The following CDC42BPB variants were observed in gnomAD, a reference collection of about 807,000 sequenced individuals.
CDC42BPB encodes the protein serine/threonine-protein kinase MRCK beta.
In CDC42BPB, 37 loss-of-function variants were observed where a neutral mutation model predicts 214.9. The observed-to-expected ratio is 0.17, with a 90% CI of 0.13 to 0.23. The LOEUF is 0.23. Among genes scored for constraint, CDC42BPB ranks in the 10% least tolerant of loss-of-function variants. CDC42BPB has a pLI of 1.00. For missense variants in CDC42BPB, 1,694 were observed against 2,227.0 expected, an observed-to-expected ratio of 0.76 and a Z score of 4.82; for synonymous variants, 931 against 884.0, an observed-to-expected ratio of 1.05 and a Z score of -0.94.
chr14:103,049,168 T>C (rs1016275165), intron 1 of CDC42BPB, among the ~76,000 whole-genome samples: 4 of 152,208 alleles, frequency 2.6e-5, no homozygotes, highest in Non-Finnish European at 4.4e-5. Context: ...ATGTCTAAAA[T>C]GGTAAAATCA....
Position 102,944,897 on chromosome 14 carries a change from AAG to A in CDC42BPB, c.3812-412_3812-411del, listed in dbSNP as rs1422434750. Reference sequence around the variant, plus strand: ...GCCCTCACGCTGCACATGAGGGACAAAGAGCTGTCCCCAACCCACTGGGACCC... The same window carrying A: ...GCCCTCACGCTGCACATGAGGGACAAAGCTGTCCCCAACCCACTGGGACCC... On this transcript the variant is annotated intron_variant, in intron 29 of 36. Coordinates refer to ENST00000361246, the MANE Select transcript of CDC42BPB (RefSeq NM_006035.4). This position sits in a 1 kb window ranked among gnomAD's most constrained non-coding sequence, Gnocchi z 6.6. Among the ~76,000 whole-genome samples the A allele has an allele frequency of 6.6e-6, 1 of 152,158 alleles. No homozygotes were observed. Among genetic ancestry groups the A allele is most frequent in the East Asian group, 1.9e-4 (1 of 5,192 alleles).
At chr14:102,973,902 G>C in intron 12 of CDC42BPB, 114 bp downstream of exon 12, 1 of 1,315,626 alleles carries the variant, frequency 7.6e-7, no homozygotes, top group Middle Eastern at 1.9e-4. Context: ...GCATGCAGCA[G>C]GGACAGCCCA....
chr14:102,952,287 T>C (rs1279523905), intron 24 of CDC42BPB, among the ~76,000 whole-genome samples: 2 of 152,182 alleles, frequency 1.3e-5, no homozygotes, highest in African/African-American at 4.8e-5. Context: ...AGCTGAACTG[T>C]GATTGCACCA....
intron 5 of CDC42BPB, among the ~76,000 whole-genome samples, chr14:102,998,382 T>C (rs1290449745): frequency 6.6e-6 from 1 of 152,216 alleles, no homozygotes; most frequent in Non-Finnish European, 1.5e-5. Flanking sequence ...CCTGACCAAG[T>C]GTAATCAGCG....
intron 4 of CDC42BPB, among the ~76,000 whole-genome samples, chr14:103,002,834 A>C (rs1895050771): frequency 6.6e-6 from 1 of 152,200 alleles, no homozygotes; most frequent in Non-Finnish European, 1.5e-5. Flanking sequence ...CTAAGTGCTC[A>C]ACAAACACCA....
chr14:103,056,466 G>C (rs1321418517), intron 1 of CDC42BPB, among the ~76,000 whole-genome samples: 5 of 152,196 alleles, frequency 3.3e-5, no homozygotes, highest in South Asian at 2.1e-4. Flanking sequence ...GGGCGAGGCA[G>C]ATGCAGAAAG....
chr14:103,004,756 CT>C lies in CDC42BPB; in HGVS notation c.352-734del, dbSNP rs1555392843. Reference sequence around the variant, plus strand: ...TGGTGGCAGGTGCCTGTAATCCCAGCTACATGGGAGGCTGAGGGGGGAGAAC... The same window carrying C: ...TGGTGGCAGGTGCCTGTAATCCCAGCACATGGGAGGCTGAGGGGGGAGAAC... On this transcript the variant is annotated intron_variant, in intron 3 of 36. Transcript: ENST00000361246. This position sits in a 1 kb window ranked among gnomAD's most constrained non-coding sequence, Gnocchi z 5.3. Among the ~76,000 whole-genome samples the C allele has an allele frequency of 3.3e-5, 5 of 152,136 alleles. No homozygotes were observed. Among genetic ancestry groups the C allele is most frequent in the Non-Finnish European group, 2.9e-5 (2 of 67,978 alleles).
intron 1 of CDC42BPB, among the ~76,000 whole-genome samples, chr14:103,053,065 C>T (rs1014564840): frequency 2.6e-5 from 4 of 152,030 alleles, no homozygotes; most frequent in African/African-American, 9.7e-5. Context: ...AATATACATG[C>T]AAGGCCAGGC....
chr14:102,973,497 C>G (rs530945007), intron 12 of CDC42BPB, among the ~76,000 whole-genome samples: 48 of 152,334 alleles, frequency 3.2e-4, no homozygotes, highest in Non-Finnish European at 6.6e-4. Flanking sequence ...AACACAGGGT[C>G]TCTGCTGCAG....
At chr14:102,963,277 G>T in intron 19 of CDC42BPB, 122 bp from the exon 20 acceptor site, 1 of 1,407,852 alleles carries the variant, frequency 7.1e-7, no homozygotes, top group South Asian at 1.6e-5. Context: ...TCCAGAACAC[G>T]GTAGCTCATG....
chr14:102,949,989 C>A, intron 25 of CDC42BPB, 85 bp from the exon 26 acceptor site: 1 of 1,573,866 alleles, frequency 6.4e-7, no homozygotes, highest in Non-Finnish European at 8.6e-7. Context: ...AATCTCCTTC[C>A]AGCTGCCAGG....
intron 14 of CDC42BPB, among the ~76,000 whole-genome samples, chr14:102,969,852 G>T (rs8016029): frequency 6.6e-6 from 1 of 152,256 alleles, no homozygotes; most frequent in Non-Finnish European, 1.5e-5. Flanking sequence ...AGAAGGCTAT[G>T]AATTGATGGG....
chr14:103,033,874 G>A (rs935263240), intron 1 of CDC42BPB, among the ~76,000 whole-genome samples: 3 of 152,140 alleles, frequency 2.0e-5, no homozygotes, highest in African/African-American at 7.2e-5. Flanking sequence ...AGTGCATTGC[G>A]GCAGGAAAAT....
chr14:103,013,979 C>G (rs1886310280), intron 1 of CDC42BPB, among the ~76,000 whole-genome samples: 1 of 152,134 alleles, frequency 6.6e-6, no homozygotes, highest in Non-Finnish European at 1.5e-5. Flanking sequence ...TCCTGGCTAA[C>G]ACGGTGAAAC....
At chr14:102,957,107 A>T (rs993391467) in intron 21 of CDC42BPB, among the ~76,000 whole-genome samples, 1 of 148,826 alleles carries the variant, frequency 6.7e-6, no homozygotes, top group Non-Finnish European at 1.5e-5. Context: ...ATGCTGAGGC[A>T]CAAGAATTGC....
At chr14:102,939,082 A>G (rs1037882304) in intron 34 of CDC42BPB, among the ~76,000 whole-genome samples, 3 of 151,914 alleles carry the variant, frequency 2.0e-5, no homozygotes, top group Non-Finnish European at 4.4e-5. Flanking sequence ...GACTACAGGC[A>G]CCTGCCGCCA....
Position 102,944,624 on chromosome 14 carries a change from C to T in CDC42BPB, c.3812-137G>A. 5 of 1,453,848 alleles carry T rather than the reference C, an allele frequency of 3.4e-6. No individual in the cohort carries two copies. The highest frequency in any genetic ancestry group is 1.5e-5 in the South Asian group (1 of 66,718). 90.1% of individuals were successfully genotyped at this position (1,453,848 alleles called of 1,614,324 possible). A position where few individuals can be genotyped will look rare whatever the true frequency, so the allele number is the denominator to read the frequency against. On this transcript the variant is annotated intron_variant, in intron 29 of 36. Coordinates refer to ENST00000361246, the MANE Select transcript of CDC42BPB (RefSeq NM_006035.4). The surrounding 1 kb of genome is among the most constrained non-coding windows in gnomAD (Gnocchi z 6.6). ...TCCCTTCCTGTGTGCACAGCCTGAG[C>T]CCGGCCCTGAGCCCGTCTCTGCCCA... is the stretch of plus-strand genomic sequence containing the variant.
At chr14:103,053,523 A>G (rs1371792542) in intron 1 of CDC42BPB, among the ~76,000 whole-genome samples, 3 of 151,934 alleles carry the variant, frequency 2.0e-5, no homozygotes, top group Non-Finnish European at 2.9e-5. Context: ...GAACTTTGGG[A>G]GGCCAAGGGG....
intron 26 of CDC42BPB, 102 bp from the exon 27 acceptor site, chr14:102,947,904 C>A (rs1384869624): frequency 1.9e-6 from 3 of 1,588,736 alleles, no homozygotes; most frequent in Middle Eastern, 1.7e-4. Flanking sequence ...CTTCCACCAC[C>A]GTGTTCTGCA....
Sources: gnomAD v4.1 joint callset for allele counts (sites outside exome capture counted in the v4.1 genomes callset) on GRCh38, gnomAD v4.1.1 for gene constraint, Gnocchi (gnomAD v3.1) non-coding constraint, MANE v1.5 for transcripts, NCBI Gene and HGNC (gene_info 2026-07-23, HGNC 2026-07-21) for gene names.